The following WDR72 variants were observed in gnomAD, a reference collection of about 807,000 sequenced individuals.
The protein encoded by WDR72 is WD repeat-containing protein 72.
A neutral mutation model predicts 124.2 loss-of-function variants in WDR72; 120 were observed. That is an observed-to-expected ratio of 0.97 (90% CI 0.83 to 1.12). The LOEUF is 1.12. Ranked by LOEUF, WDR72 falls within the 50% of genes most tolerant of loss-of-function variation. The pLI, the probability that WDR72 is intolerant of heterozygous loss-of-function variation, is 0.00. For synonymous variants in WDR72, 452 were observed against 441.7 expected (o/e 1.02, Z -0.29); for missense variants, 1,387 against 1,278.8 (o/e 1.08, Z -1.29).
chr15:53,641,611 G>C (rs76356426), intron 14 of WDR72, among the ~76,000 whole-genome samples: 2,045 of 151,700 alleles, frequency 0.013, 36 homozygotes, highest in East Asian at 0.078. Context: ...TTGCTCTCTG[G>C]GACTATATCA....
intron 1 of WDR72, chr15:53,756,744 T>C (rs1355389651): frequency 6.6e-6 from 1 of 152,212 alleles, no homozygotes; most frequent in Non-Finnish European, 1.5e-5. Flanking sequence ...AATATCAATA[T>C]GCATTATTAT....
chr15:53,608,192 T>C (rs1404255742), intron 17 of WDR72, among the ~76,000 whole-genome samples: 1 of 152,098 alleles, frequency 6.6e-6, no homozygotes, highest in Admixed American at 6.5e-5. Context: ...CAAAGAGAAA[T>C]CTGCACTCCT....
At chr15:53,547,643 C>A (rs1196570876) in intron 18 of WDR72, among the ~76,000 whole-genome samples, 1 of 152,156 alleles carries the variant, frequency 6.6e-6, no homozygotes, top group Non-Finnish European at 1.5e-5. Context: ...AAGAACTACA[C>A]CAGCCTTTTT....
intron 18 of WDR72, among the ~76,000 whole-genome samples, chr15:53,530,465 C>G (rs1397293235): frequency 6.6e-6 from 1 of 151,730 alleles, no homozygotes; most frequent in African/African-American, 2.4e-5. Context: ...TTTTTAAGGA[C>G]CAAATCCTAT....
rs1402040475 is a variant in WDR72, at chr15:53,714,443, G to T, written c.582C>A (p.Asn194Lys). 3 of 1,613,436 alleles carry T rather than the reference G, an allele frequency of 1.9e-6. No individual in the cohort carries two copies. The highest frequency in any genetic ancestry group is 1.1e-5 in the South Asian group (1 of 91,072). The change falls in exon 6 of 20, where the codon AAC (asparagine) becomes AAA (lysine). Residue 194 changes from asparagine to lysine, a missense_variant. Asn to Lys is a moderately conservative substitution (Grantham distance 94). Coordinates refer to ENST00000360509, the MANE Select transcript of WDR72 (RefSeq NM_182758.4). ...GGGTTCCCAAGCCAACCTGAATGCT[G>T]TTGATAGATGAGGAAAGATCCCATA... ...LKVWDLSSSI[N>K]SIQEKQDVYE...
At chr15:53,607,381 G>A (rs2013332224) in intron 17 of WDR72, among the ~76,000 whole-genome samples, 1 of 152,136 alleles carries the variant, frequency 6.6e-6, no homozygotes, top group Non-Finnish European at 1.5e-5. Flanking sequence ...TACACCTACT[G>A]TGAACTCATT....
intron 14 of WDR72, among the ~76,000 whole-genome samples, chr15:53,658,582 C>G (rs1387695205): frequency 6.6e-6 from 1 of 151,986 alleles, no homozygotes; most frequent in Non-Finnish European, 1.5e-5. Flanking sequence ...GGGAGGGACA[C>G]GGAAGATAAA....
intron 2 of WDR72, among the ~76,000 whole-genome samples, chr15:53,730,176 T>G (rs1395161919): frequency 6.6e-6 from 1 of 152,170 alleles, no homozygotes; most frequent in Non-Finnish European, 1.5e-5. Context: ...CAGTGGAATA[T>G]TATTCAAACT....
rs534361318 is a variant in WDR72, at chr15:53,524,527, G to C, written c.3149-1205C>G. On this transcript the variant is annotated intron_variant, in intron 18 of 19. Coordinates refer to ENST00000360509, the MANE Select transcript of WDR72 (RefSeq NM_182758.4). ...GTCCAGTCAGCATTAGTAGTGTTCA[G>C]ACCTGGCACACTCCTCCACTTATTT... Among the ~76,000 whole-genome samples, 8 of 152,100 alleles carry C rather than the reference G, an allele frequency of 5.3e-5. No homozygotes were observed. In the South Asian group the frequency reaches 1.7e-3, roughly 32 times the overall value.
At chr15:53,678,881 A>C (rs916507899) in intron 13 of WDR72, among the ~76,000 whole-genome samples, 1 of 152,236 alleles carries the variant, frequency 6.6e-6, no homozygotes, top group Non-Finnish European at 1.5e-5. Flanking sequence ...ATTATTCACA[A>C]GAGCCAAAAG....
intron 18 of WDR72, among the ~76,000 whole-genome samples, chr15:53,532,514 A>G (rs530899293): frequency 1.3e-5 from 2 of 152,236 alleles, no homozygotes; most frequent in East Asian, 3.9e-4. Context: ...CTGGAGGGAC[A>G]TTATGTTAAG....
Position 53,615,927 on chromosome 15 carries a change from G to A in WDR72, c.2279C>T (p.Ser760Leu). 3 of 1,613,348 alleles carry A rather than the reference G, an allele frequency of 1.9e-6. No individual in the cohort carries two copies. Among genetic ancestry groups the A allele is most frequent in the Non-Finnish European group, 2.5e-6 (3 of 1,179,626 alleles). Residue 760 changes from serine (S) to leucine (L), a missense_variant, in exon 15 of 20, where the codon TCA (serine) becomes TTA (leucine). Transcript: ENST00000360509. ...CCTTTTAATGCCATCATTTTCTTCT[G>A]AGAATTTGATGGTATTATCTCCTTG... is the stretch of plus-strand genomic sequence containing the variant. ...LAQGDNTIKF[S>L]EENDGIKRQK...
chr15:53,539,514 A>C (rs1892956415), intron 18 of WDR72, among the ~76,000 whole-genome samples: 1 of 152,080 alleles, frequency 6.6e-6, no homozygotes, highest in Non-Finnish European at 1.5e-5. Flanking sequence ...GTATCATTTC[A>C]AATTAGATGC....
chr15:53,587,699 T>C (rs891457855), intron 18 of WDR72, among the ~76,000 whole-genome samples: 31 of 151,976 alleles, frequency 2.0e-4, no homozygotes, highest in African/African-American at 7.2e-4. Flanking sequence ...CTCATTCTAA[T>C]GAGAAGAAAC....
chr15:53,757,697 CAACATTATTACT>C (rs1002259432), intron 1 of WDR72, among the ~76,000 whole-genome samples: 3 of 152,066 alleles, frequency 2.0e-5, no homozygotes, highest in Non-Finnish European at 4.4e-5. Flanking sequence ...CTATTGTGAG[CAACATTATTACT>C]AACATTATTA....
At chr15:53,599,889 C>T (rs1408892950) in intron 17 of WDR72, among the ~76,000 whole-genome samples, 2 of 152,044 alleles carry the variant, frequency 1.3e-5, no homozygotes, top group Non-Finnish European at 1.5e-5. Flanking sequence ...GTTGTCACCA[C>T]AAATGCATAT....
chr15:53,645,963 A>G (rs1285636883), intron 14 of WDR72, among the ~76,000 whole-genome samples: 1 of 152,164 alleles, frequency 6.6e-6, no homozygotes, highest in Non-Finnish European at 1.5e-5. Flanking sequence ...AATTACCTTT[A>G]AACAAGAGGC....
Position 53,616,374 on chromosome 15 carries a change from T to C in WDR72, c.1963-131A>G, listed in dbSNP as rs2013768485. On this transcript the variant is annotated intron_variant, in intron 14 of 19. Coordinates refer to ENST00000360509, the MANE Select transcript of WDR72 (RefSeq NM_182758.4). ...CTAAAGGCAAGTCATTTCAATTTTTTTGTCTTAGCTATAAAAATTCATTTC... is the reference window on the plus strand; with the variant it reads ...CTAAAGGCAAGTCATTTCAATTTTTCTGTCTTAGCTATAAAAATTCATTTC... The C allele has an allele frequency of 5.1e-5, 32 of 627,044 alleles. No homozygotes were observed. In the South Asian group the frequency reaches 6.8e-4, roughly 13 times the overall value. 38.8% of individuals were successfully genotyped at this position (627,044 alleles called of 1,614,324 possible). A position where few individuals can be genotyped will look rare whatever the true frequency, so the allele number is the denominator to read the frequency against.
intron 17 of WDR72, among the ~76,000 whole-genome samples, chr15:53,603,634 G>A (rs919964179): frequency 4.6e-5 from 7 of 152,038 alleles, no homozygotes; most frequent in Non-Finnish European, 7.4e-5. Context: ...CAACTTCAGC[G>A]AAGTCTCAGG....
Sources: allele counts gnomAD v4.1 joint callset (sites outside exome capture counted in the v4.1 genomes callset), GRCh38; gene constraint gnomAD v4.1.1; transcripts MANE v1.5; gene names NCBI Gene and HGNC (gene_info 2026-07-23, HGNC 2026-07-21).